Variants in TAOK1 observed in about 807,000 individuals in gnomAD.
The protein encoded by TAOK1 is TAO kinase 1, also known as serine/threonine-protein kinase TAO1.
A neutral mutation model predicts 138.3 loss-of-function variants in TAOK1; 21 were observed. That is an observed-to-expected ratio of 0.15 (90% CI 0.11 to 0.22). The LOEUF is 0.22. Among genes scored for constraint, TAOK1 ranks in the 10% least tolerant of loss-of-function variants. TAOK1 has a pLI of 1.00. For synonymous variants in TAOK1, 361 were observed against 398.4 expected (o/e 0.91, Z 1.12); for missense variants, 651 against 1,227.7 (o/e 0.53, Z 7.02).
chr17:29,391,765 C>A (rs1904439101), intron 1 of TAOK1, among the ~76,000 whole-genome samples: 1 of 152,176 alleles, frequency 6.6e-6, no homozygotes, highest in Non-Finnish European at 1.5e-5. Context: ...AGAGGGACAC[C>A]TCTCCTGTTA....
chr17:29,528,864 A>AG (rs2032057191), intron 17 of TAOK1, among the ~76,000 whole-genome samples: 1 of 140,394 alleles, frequency 7.1e-6, no homozygotes, highest in Non-Finnish European at 1.6e-5. Flanking sequence ...AAAAAAAAAA[A>AG]GAAATTGCAG....
chr17:29,528,666 C>T (rs2032052375), intron 17 of TAOK1, among the ~76,000 whole-genome samples: 1 of 151,252 alleles, frequency 6.6e-6, no homozygotes, highest in African/African-American at 2.4e-5. Flanking sequence ...ATGGTGAAAC[C>T]CTGTCTCTAC....
intron 1 of TAOK1, among the ~76,000 whole-genome samples, chr17:29,434,047 G>A (rs1905943984): frequency 6.6e-6 from 1 of 152,132 alleles, no homozygotes; most frequent in Non-Finnish European, 1.5e-5. Context: ...TAGAAAACAT[G>A]CATCAAAACG....
At chr17:29,424,973 GCT>G (rs1905587747) in intron 1 of TAOK1, 1 of 152,106 alleles carries the variant, frequency 6.6e-6, no homozygotes, top group Admixed American at 6.6e-5. Context: ...AGATTAATGT[GCT>G]ATTGAGATAT....
chr17:29,414,041 C>T (rs2153021208), intron 1 of TAOK1, among the ~76,000 whole-genome samples: 1 of 151,852 alleles, frequency 6.6e-6, no homozygotes, highest in African/African-American at 2.4e-5. Flanking sequence ...TGCCACAAAG[C>T]CCAGCTAATT....
chr17:29,424,387 A>C (rs917390385), intron 1 of TAOK1, among the ~76,000 whole-genome samples: 1 of 149,634 alleles, frequency 6.7e-6, no homozygotes, highest in African/African-American at 2.5e-5. Flanking sequence ...GAGTGACCCA[A>C]GATCCCGCCA....
chr17:29,464,856 T>C (rs1215398679), intron 2 of TAOK1, among the ~76,000 whole-genome samples: 2 of 150,492 alleles, frequency 1.3e-5, no homozygotes, highest in African/African-American at 4.9e-5. Flanking sequence ...ACAGGGTCTC[T>C]GTTGCTCAGG....
chr17:29,467,710 G>A (rs1173203276), intron 3 of TAOK1, among the ~76,000 whole-genome samples: 3 of 151,988 alleles, frequency 2.0e-5, no homozygotes, highest in South Asian at 4.1e-4. Context: ...TTCACAAACC[G>A]ATGTACCCAT....
At position 29,453,984 on chromosome 17, in the gene TAOK1, C is replaced by CTT. The variant is rs757432008; in HGVS notation, c.132+2317_132+2318dup. Among the ~76,000 whole-genome samples, 64 of 125,574 alleles carry CTT rather than the reference C, an allele frequency of 5.1e-4. 1 individual carries two copies. Among genetic ancestry groups the CTT allele is most frequent in the African/African-American group, 1.8e-3 (60 of 34,116 alleles). The allele number at this position is 125,574 out of a possible 152,430, so 82.4% of individuals were successfully genotyped here. On this transcript the variant is annotated intron_variant, in intron 2 of 19. Transcript: ENST00000261716. Reference sequence around the variant, plus strand: ...CCACCAGGCCCAGCTAATTTTTTTGCTTTTTTTTTTTTTTGGAAATGGGGT... The same window carrying CTT: ...CCACCAGGCCCAGCTAATTTTTTTGCTTTTTTTTTTTTTTTTGGAAATGGGGT...
At chr17:29,491,376 C>A (rs1376085869) in intron 9 of TAOK1, among the ~76,000 whole-genome samples, 1 of 151,602 alleles carries the variant, frequency 6.6e-6, no homozygotes, top group Non-Finnish European at 1.5e-5. Context: ...TATTCTGAAA[C>A]ATGCTATATA....
At chr17:29,403,688 C>T (rs988225336) in intron 1 of TAOK1, 1 of 152,130 alleles carries the variant, frequency 6.6e-6, no homozygotes, top group Non-Finnish European at 1.5e-5. Context: ...AATGTGCTCA[C>T]TTTCAGATTC....
intron 1 of TAOK1, among the ~76,000 whole-genome samples, chr17:29,395,805 A>C (rs1194113471): frequency 6.8e-6 from 1 of 147,372 alleles, no homozygotes; most frequent in Non-Finnish European, 1.5e-5. Flanking sequence ...CTACAGGTAC[A>C]TGCCACCACG....
intron 13 of TAOK1, among the ~76,000 whole-genome samples, chr17:29,506,065 A>G (rs559456589): frequency 1.4e-4 from 21 of 152,382 alleles, no homozygotes; most frequent in African/African-American, 4.1e-4. Context: ...AGGTTCCTCA[A>G]AAAACTAAAA....
intron 1 of TAOK1, among the ~76,000 whole-genome samples, chr17:29,447,814 G>A (rs907152929): frequency 6.6e-6 from 1 of 151,180 alleles, no homozygotes; most frequent in African/African-American, 2.4e-5. Flanking sequence ...TTACCACCAC[G>A]CCTGGCTAAT....
Position 29,429,850 on chromosome 17 carries a change from A to T in TAOK1, c.-94-21605A>T, listed in dbSNP as rs536759300. ...GATACCTTTTATCTCTGAAGTTTTGAGTTTGTTTAATATCTGTCATACAGT... is the reference window on the plus strand; with the variant it reads ...GATACCTTTTATCTCTGAAGTTTTGTGTTTGTTTAATATCTGTCATACAGT... On this transcript the variant is annotated intron_variant, in intron 1 of 19. Coordinates refer to ENST00000261716, the MANE Select transcript of TAOK1 (RefSeq NM_020791.4). Among the ~76,000 whole-genome samples the T allele has an allele frequency of 7.9e-5, 12 of 152,190 alleles. No individual in the cohort carries two copies. In the East Asian group the frequency reaches 1.4e-3, roughly 17 times the overall value.
intron 8 of TAOK1, among the ~76,000 whole-genome samples, chr17:29,487,188 G>T (rs888982068): frequency 7.0e-6 from 1 of 142,552 alleles, no homozygotes; most frequent in Middle Eastern, 3.9e-3. Flanking sequence ...ACAGGTTGCA[G>T]TGAGCCAAGA....
intron 6 of TAOK1, among the ~76,000 whole-genome samples, chr17:29,479,177 C>T (rs1001330866): frequency 6.6e-6 from 1 of 151,460 alleles, no homozygotes; most frequent in Admixed American, 6.6e-5. Context: ...CTGCTTAAGA[C>T]TCCTTATGCT....
At chr17:29,418,801 G>A (rs541151536) in intron 1 of TAOK1, among the ~76,000 whole-genome samples, 7 of 152,072 alleles carry the variant, frequency 4.6e-5, no homozygotes, top group Non-Finnish European at 1.0e-4. Flanking sequence ...TTTTTAATCC[G>A]AGGTTGACTG....
chr17:29,405,695 C>G (rs751225705), intron 1 of TAOK1, among the ~76,000 whole-genome samples: 12 of 152,028 alleles, frequency 7.9e-5, no homozygotes, highest in African/African-American at 2.2e-4. Context: ...AGGAGAATTG[C>G]TTGAACCTGG....
Sources: gnomAD v4.1 joint callset for allele counts (sites outside exome capture counted in the v4.1 genomes callset) on GRCh38, gnomAD v4.1.1 for gene constraint, MANE v1.5 for transcripts, NCBI Gene and HGNC (gene_info 2026-07-23, HGNC 2026-07-21) for gene names.